ZBTB20: variants seen among roughly 807,000 people sequenced by gnomAD.
The protein encoded by ZBTB20 is zinc finger and BTB domain-containing protein 20.
ZBTB20 carries 9 observed loss-of-function variants against 56.9 expected under a neutral mutation model. That is an observed-to-expected ratio of 0.16 (90% CI 0.10 to 0.28). The LOEUF (loss-of-function observed/expected upper bound fraction) is 0.28. Ranked by LOEUF, ZBTB20 falls within the 10% of genes least tolerant of loss-of-function variation. The pLI, the probability that ZBTB20 is intolerant of heterozygous loss-of-function variation, is 1.00. For missense variants in ZBTB20, 655 were observed against 1,003.0 expected, an observed-to-expected ratio of 0.65 and a Z score of 4.69; for synonymous variants, 417 against 420.7, an observed-to-expected ratio of 0.99 and a Z score of 0.11.
intron 4 of ZBTB20, among the ~76,000 whole-genome samples, chr3:114,836,293 G>A (rs756628881): frequency 6.6e-6 from 1 of 151,972 alleles, no homozygotes; most frequent in Non-Finnish European, 1.5e-5. Context: ...TTGAAAAGTG[G>A]GAGTCAGTAT....
chr3:114,682,980 T>G (rs1441583892), intron 6 of ZBTB20, among the ~76,000 whole-genome samples: 1 of 152,208 alleles, frequency 6.6e-6, no homozygotes, highest in South Asian at 2.1e-4. Flanking sequence ...AATTCTGTAG[T>G]TGTCAATAGT....
chr3:114,626,799 C>T (rs1011984411), intron 6 of ZBTB20, among the ~76,000 whole-genome samples: 1 of 152,128 alleles, frequency 6.6e-6, no homozygotes, highest in African/African-American at 2.4e-5. Flanking sequence ...TGGCCTTAAC[C>T]GCATGATGAG....
intron 5 of ZBTB20, among the ~76,000 whole-genome samples, chr3:114,767,875 G>A (rs1324252371): frequency 2.6e-5 from 4 of 152,046 alleles, no homozygotes; most frequent in South Asian, 2.1e-4. Flanking sequence ...AATCTCATGT[G>A]GTCCTTTGAG....
intron 10 of ZBTB20, among the ~76,000 whole-genome samples, chr3:114,375,016 T>A (rs903417195): frequency 3.9e-5 from 6 of 152,200 alleles, no homozygotes; most frequent in Admixed American, 2.6e-4. Context: ...CATTCACACA[T>A]ACAGACAGCC....
chr3:114,457,221 C>T (rs2092074265), intron 7 of ZBTB20, among the ~76,000 whole-genome samples: 1 of 152,172 alleles, frequency 6.6e-6, no homozygotes, highest in Admixed American at 6.6e-5. Context: ...ATATATAACA[C>T]TGCAAAAGTC....
chr3:114,780,794 C>A (rs1217143276), intron 5 of ZBTB20, among the ~76,000 whole-genome samples: 2 of 152,050 alleles, frequency 1.3e-5, no homozygotes, highest in Non-Finnish European at 2.9e-5. Flanking sequence ...CCCGTAGTAT[C>A]CATTTTTAAA....
intron 3 of ZBTB20, among the ~76,000 whole-genome samples, chr3:114,972,906 G>C (rs2077947044): frequency 6.6e-6 from 1 of 151,776 alleles, no homozygotes; most frequent in African/African-American, 2.4e-5. Flanking sequence ...TTGATTCTTA[G>C]TATGGTAACT....
chr3:115,114,461 T>A (rs1449827768), intron 1 of ZBTB20, among the ~76,000 whole-genome samples: 2 of 152,186 alleles, frequency 1.3e-5, no homozygotes, highest in Non-Finnish European at 2.9e-5. Flanking sequence ...GAAATTTAGC[T>A]AGTAAATTTC....
chr3:115,018,865 G>A (rs1268654595), intron 2 of ZBTB20, among the ~76,000 whole-genome samples: 1 of 151,302 alleles, frequency 6.6e-6, no homozygotes, highest in Non-Finnish European at 1.5e-5. Flanking sequence ...ATGGGTGACT[G>A]CAGTAAATTG....
intron 7 of ZBTB20, among the ~76,000 whole-genome samples, chr3:114,438,847 G>A (rs1380188447): frequency 6.6e-6 from 1 of 152,112 alleles, no homozygotes; most frequent in African/African-American, 2.4e-5. Context: ...TTGTGCAACT[G>A]CACAGGTTGT....
chr3:114,372,773 G>A (rs1324516438), intron 10 of ZBTB20, among the ~76,000 whole-genome samples: 1 of 152,232 alleles, frequency 6.6e-6, no homozygotes, highest in South Asian at 2.1e-4. Context: ...GAGCCCAGGA[G>A]GCAGAGGTGG....
At chr3:114,763,743 A>G (rs2068597041) in intron 5 of ZBTB20, among the ~76,000 whole-genome samples, 1 of 152,190 alleles carries the variant, frequency 6.6e-6, no homozygotes, top group South Asian at 2.1e-4. Flanking sequence ...GGTGATGAAT[A>G]TATTAATTGG....
At chr3:114,700,097 T>C (rs1358380099) in intron 5 of ZBTB20, among the ~76,000 whole-genome samples, 1 of 152,132 alleles carries the variant, frequency 6.6e-6, no homozygotes, top group East Asian at 1.9e-4. Flanking sequence ...GTTCAAATTG[T>C]TGCTTCTCCT....
At chr3:114,844,536 A>AAAAAAAAC (rs2074574283) in intron 4 of ZBTB20, among the ~76,000 whole-genome samples, 2 of 139,520 alleles carry the variant, frequency 1.4e-5, no homozygotes, top group East Asian at 2.0e-4. Context: ...AAAAAAAAAA[A>AAAAAAAAC]AAAAAAAAAA....
intron 7 of ZBTB20, among the ~76,000 whole-genome samples, chr3:114,480,945 A>G (rs954381050): frequency 1.1e-4 from 17 of 152,170 alleles, no homozygotes; most frequent in African/African-American, 4.1e-4. Context: ...CATAAAGGAC[A>G]AGTTTAGGAA....
At chr3:114,546,558 C>CTTTT (rs10719460) in intron 6 of ZBTB20, among the ~76,000 whole-genome samples, 1 of 141,146 alleles carries the variant, frequency 7.1e-6, no homozygotes, top group Non-Finnish European at 1.5e-5. Flanking sequence ...CAACATACAC[C>CTTTT]TTTTTTTTTT....
intron 6 of ZBTB20, among the ~76,000 whole-genome samples, chr3:114,563,568 C>T (rs1029436567): frequency 2.6e-5 from 4 of 152,054 alleles, no homozygotes; most frequent in Non-Finnish European, 5.9e-5. Context: ...AATCAACTTA[C>T]CTTATTAAGT....
At chr3:114,488,055 G>A (rs2042331692) in intron 7 of ZBTB20, among the ~76,000 whole-genome samples, 1 of 152,210 alleles carries the variant, frequency 6.6e-6, no homozygotes, top group Non-Finnish European at 1.5e-5. Context: ...TCATGTGAGT[G>A]AGCCTGGCCC....
At chr3:115,015,011 T>C (rs887347500) in intron 2 of ZBTB20, among the ~76,000 whole-genome samples, 2 of 151,800 alleles carry the variant, frequency 1.3e-5, no homozygotes, top group Non-Finnish European at 2.9e-5. Flanking sequence ...CATTTGTAGT[T>C]CTGTTATGAG....
Sources: allele counts gnomAD v4.1 joint callset (sites outside exome capture counted in the v4.1 genomes callset), GRCh38; gene constraint gnomAD v4.1.1; transcripts MANE v1.5; gene names NCBI Gene and HGNC (gene_info 2026-07-23, HGNC 2026-07-21).